Variants in MAU2 observed in about 807,000 individuals in gnomAD.
The protein encoded by MAU2 is MAU2 sister chromatid cohesion factor, also known as MAU2 chromatid cohesion factor homolog.
Under a neutral mutation model 89.1 loss-of-function variants are expected in MAU2, and 9 were observed. The observed-to-expected ratio is 0.10, with a 90% confidence interval of 0.06 to 0.18. MAU2 has a LOEUF of 0.18. Among genes scored for constraint, MAU2 ranks in the 10% least tolerant of loss-of-function variants. The pLI, the probability that MAU2 is intolerant of heterozygous loss-of-function variation, is 1.00. For synonymous variants in MAU2, 357 were observed against 343.4 expected (o/e 1.04, Z -0.44); for missense variants, 425 against 803.5 (o/e 0.53, Z 5.69).
intron 3 of MAU2, 104 bp downstream of exon 3, chr19:19,336,291 C>T: frequency 2.4e-6 from 2 of 834,796 alleles, no homozygotes; most frequent in Non-Finnish European, 3.9e-6. Flanking sequence ...ATCCCTCCGG[C>T]TTTTTTTGTT....
intron 1 of MAU2, among the ~76,000 whole-genome samples, chr19:19,333,347 G>T (rs983427265): frequency 6.6e-6 from 1 of 152,158 alleles, no homozygotes; most frequent in African/African-American, 2.4e-5. Context: ...TTAGCCAGAC[G>T]TGGTGGTTCG....
chr19:19,343,996 G>A lies in MAU2; in HGVS notation c.1077+56G>A, dbSNP rs190421864. The A allele has an allele frequency of 2.4e-5, 34 of 1,427,948 alleles. No homozygotes were observed. The Admixed American group carries it at 5.4e-4, about 23-fold the overall frequency. 88.5% of individuals were successfully genotyped at this position (1,427,948 alleles called of 1,614,324 possible). A position where few individuals can be genotyped will look rare whatever the true frequency, so the allele number is the denominator to read the frequency against. On this transcript the variant is annotated intron_variant, in intron 10 of 18. Coordinates refer to ENST00000262815, the MANE Select transcript of MAU2 (RefSeq NM_015329.4). ...CCCAGGAGTTTGTTGGGTCTCAGCA[G>A]TGTCAGACAAGAGACTGAATTCGCC... is the stretch of plus-strand genomic sequence containing the variant.
At chr19:19,327,489 C>A (rs1380457991) in intron 1 of MAU2, among the ~76,000 whole-genome samples, 1 of 152,042 alleles carries the variant, frequency 6.6e-6, no homozygotes, top group Admixed American at 6.6e-5. Flanking sequence ...CCACGCCCGG[C>A]TAATTTTTTA....
intron 18 of MAU2, 41 bp from the exon 19 acceptor site, chr19:19,355,667 G>T: frequency 1.3e-6 from 2 of 1,533,820 alleles, no homozygotes; most frequent in Non-Finnish European, 1.8e-6. Flanking sequence ...CCCTGGGAAC[G>T]GTCCACAGTG....
At chr19:19,340,394 C>T (rs917660592) in intron 5 of MAU2, among the ~76,000 whole-genome samples, 10 of 151,336 alleles carry the variant, frequency 6.6e-5, no homozygotes, top group Admixed American at 1.3e-4. Flanking sequence ...AATCCCAGCA[C>T]TTTGGGAGGC....
chr19:19,340,455 C>G (rs1057203317), intron 5 of MAU2, among the ~76,000 whole-genome samples: 1 of 151,198 alleles, frequency 6.6e-6, no homozygotes, highest in Admixed American at 6.6e-5. Flanking sequence ...CTGGCTAACA[C>G]GGTGAAATTC....
intron 1 of MAU2, chr19:19,334,529 C>G (rs1481959324): frequency 1.0e-6 from 1 of 985,680 alleles, no homozygotes; most frequent in Non-Finnish European, 1.2e-6. Context: ...CCAGGCCTCA[C>G]TGGCTCCTCC....
intron 1 of MAU2, chr19:19,329,049 A>G (rs1420447973): frequency 2.2e-6 from 1 of 455,918 alleles, no homozygotes; most frequent in African/African-American, 2.0e-5. Context: ...TTCTGCATCC[A>G]GGTTTAGCCT....
At chr19:19,334,214 G>C (rs2061578349) in intron 1 of MAU2, 1 of 984,948 alleles carries the variant, frequency 1.0e-6, no homozygotes, top group Non-Finnish European at 1.2e-6. Context: ...CCACACTTCT[G>C]ACGGCAGGTG....
intron 10 of MAU2, 182 bp downstream of exon 10, chr19:19,344,122 C>T (rs2061674711): frequency 1.7e-6 from 1 of 592,398 alleles, no homozygotes; most frequent in Non-Finnish European, 3.0e-6. Context: ...CATACAAAAA[C>T]CAGTGGAGGC....
intron 13 of MAU2, 180 bp downstream of exon 13, chr19:19,347,546 G>T (rs990330904): frequency 1.7e-6 from 1 of 573,426 alleles, no homozygotes; most frequent in Non-Finnish European, 3.2e-6. Flanking sequence ...GGCTATGGCC[G>T]GGGGAGGCCA....
chr19:19,352,597 A>C (rs1599927947), intron 16 of MAU2: 1 of 152,270 alleles, frequency 6.6e-6, no homozygotes, highest in Admixed American at 6.5e-5. Flanking sequence ...GGGGTGTGTC[A>C]GATGGGGAGG....
chr19:19,327,121 C>CTTTTT (rs768273058), intron 1 of MAU2, among the ~76,000 whole-genome samples: 2 of 114,274 alleles, frequency 1.8e-5, no homozygotes, highest in Admixed American at 9.3e-5. Context: ...TCCCCAGGAG[C>CTTTTT]TTTTTTTTTT....
Position 19,320,881 on chromosome 19 carries a change from G to A in MAU2, c.22G>A (p.Ala8Thr). 5.4e-6 allele frequency: 8 copies of A among 1,473,876 alleles called. No homozygotes were observed. Among genetic ancestry groups the A allele is most frequent in the Non-Finnish European group, 7.3e-6 (8 of 1,097,362 alleles). 91.3% of individuals were successfully genotyped at this position (1,473,876 alleles called of 1,614,324 possible). Reference sequence around the variant, plus strand: ...CAAAATGGCGGCTCAGGCGGCGGCAGCGGCCCAGGCGGCGGCGGCCCAGGC... The same window carrying A: ...CAAAATGGCGGCTCAGGCGGCGGCAACGGCCCAGGCGGCGGCGGCCCAGGC... MAAQAAA[A>T]AQAAAAQAAQ... The change falls in exon 1 of 19, where the codon GCG becomes ACG. Residue 8 changes from alanine to threonine, a missense_variant. This residue lies in a region of MAU2 where 61 missense variants were observed against 40.1 expected (regional missense o/e 1.52). Coordinates refer to ENST00000262815, the MANE Select transcript of MAU2 (RefSeq NM_015329.4).
Position 19,345,245 on chromosome 19 carries a change from C to G in MAU2, c.1156-59C>G. On this transcript the variant is annotated intron_variant, in intron 11 of 18. Transcript: ENST00000262815. The surrounding 1 kb of genome is among the most constrained non-coding windows in gnomAD (Gnocchi z 4.9). Reference sequence around the variant, plus strand: ...TGCAGGCCCCGGGCACACCACGTGTCTCTGATCTGAGCCCCCTCCCCAGGG... The same window carrying G: ...TGCAGGCCCCGGGCACACCACGTGTGTCTGATCTGAGCCCCCTCCCCAGGG... 2 of 1,494,644 alleles carry G rather than the reference C, an allele frequency of 1.3e-6. No individual in the cohort carries two copies. The highest frequency in any genetic ancestry group is 2.3e-5 in the South Asian group (2 of 88,724). The allele number at this position is 1,494,644 out of a possible 1,614,324, so 92.6% of individuals were successfully genotyped here.
chr19:19,325,328 A>AT (rs1365855759), intron 1 of MAU2, among the ~76,000 whole-genome samples: 34 of 151,548 alleles, frequency 2.2e-4, no homozygotes, highest in African/African-American at 8.0e-4. Context: ...GGCGCCCACC[A>AT]CCACGCCCAG....
intron 1 of MAU2, among the ~76,000 whole-genome samples, chr19:19,327,152 C>T (rs1271260434): frequency 7.1e-6 from 1 of 141,804 alleles, no homozygotes. Context: ...GATGGACTCT[C>T]ACTCTGTTGC....
chr19:19,334,275 AG>A, intron 1 of MAU2: 1 of 985,378 alleles, frequency 1.0e-6, no homozygotes, highest in Non-Finnish European at 1.2e-6. Flanking sequence ...GTGCCACAAG[AG>A]GGGACCACAG....
At chr19:19,351,706 A>G (rs2061746116) in intron 16 of MAU2, among the ~76,000 whole-genome samples, 2 of 152,120 alleles carry the variant, frequency 1.3e-5, no homozygotes, top group Non-Finnish European at 2.9e-5. Context: ...TTTCTAGATT[A>G]TAAAATATGA....
Sources: allele counts gnomAD v4.1 joint callset (sites outside exome capture counted in the v4.1 genomes callset), GRCh38; gene constraint gnomAD v4.1.1; regional missense constraint gnomAD v4.1.1; non-coding constraint Gnocchi (gnomAD v3.1); transcripts MANE v1.5; gene names NCBI Gene and HGNC (gene_info 2026-07-23, HGNC 2026-07-21).